The following RPS6KA6 variants were observed in gnomAD, a reference collection of about 807,000 sequenced individuals.
The protein encoded by RPS6KA6 is ribosomal protein S6 kinase alpha-6.
RPS6KA6 carries 27 observed loss-of-function variants against 65.4 expected under a neutral mutation model. The observed-to-expected ratio is 0.41, with a 90% confidence interval of 0.30 to 0.57. The LOEUF is 0.57. Ranked by LOEUF, RPS6KA6 falls within the 20% of genes least tolerant of loss-of-function variation. The pLI is 0.24. For synonymous variants in RPS6KA6, 190 were observed against 184.2 expected (o/e 1.03, Z -0.26); for missense variants, 486 against 555.6 (o/e 0.87, Z 1.26).
chrX:84,123,179 A>ACAAC (rs2034711938), intron 8 of RPS6KA6, among the ~76,000 whole-genome samples: 1 of 112,068 alleles, frequency 8.9e-6, no homozygotes, highest in Non-Finnish European at 1.9e-5. Context: ...TGGGCCATGA[A>ACAAC]CAACCACCAG....
chrX:84,143,600 T>C (rs948234768), intron 6 of RPS6KA6, among the ~76,000 whole-genome samples: 3 of 111,468 alleles, frequency 2.7e-5, no homozygotes, highest in Non-Finnish European at 5.7e-5. Context: ...ATTACTAAAA[T>C]GTAACTTATC....
rs184995428 is a variant in RPS6KA6 at position 84,083,553 on chromosome X, C to T, written c.1971+12641G>A. Among the ~76,000 whole-genome samples the T allele has an allele frequency of 7.4e-3, 836 of 112,332 alleles. 7 individuals carry two copies. Among genetic ancestry groups the T allele is most frequent in the Middle Eastern group, 0.056 (12 of 215 alleles). On this transcript the variant is annotated intron_variant, in intron 20 of 21. Coordinates refer to ENST00000262752, the MANE Select transcript of RPS6KA6 (RefSeq NM_014496.5). ...GCTATATCCATGTCCCTGCAAAGAA[C>T]ATCCTTTTCATGGCTGCATAGTATT...
intron 1 of RPS6KA6, among the ~76,000 whole-genome samples, chrX:84,184,876 G>T (rs1389952441): frequency 1.2e-5 from 1 of 81,910 alleles, no homozygotes; most frequent in Non-Finnish European, 2.5e-5. Flanking sequence ...AATAAAAACA[G>T]CATTGCTAAA....
intron 12 of RPS6KA6, among the ~76,000 whole-genome samples, chrX:84,112,678 G>T (rs1019583125): frequency 8.9e-6 from 1 of 111,755 alleles, no homozygotes; most frequent in Non-Finnish European, 1.9e-5. Context: ...AGTGCTAAGA[G>T]GAAAGTTTTT....
intron 12 of RPS6KA6, among the ~76,000 whole-genome samples, chrX:84,108,973 C>G (rs748199704): frequency 1.6e-4 from 18 of 112,111 alleles, no homozygotes; most frequent in Admixed American, 8.4e-4. Context: ...ATATACTGGC[C>G]ACAGCCTGGT....
At chrX:84,078,805 G>A (rs913959583) in intron 20 of RPS6KA6, among the ~76,000 whole-genome samples, 1 of 111,261 alleles carries the variant, frequency 9.0e-6, no homozygotes, top group Non-Finnish European at 1.9e-5. Flanking sequence ...ATATAGGGCA[G>A]GAGGGAGGGA....
At chrX:84,143,623 T>C (rs1404233114) in intron 6 of RPS6KA6, among the ~76,000 whole-genome samples, 2 of 111,557 alleles carry the variant, frequency 1.8e-5, no homozygotes, top group African/African-American at 6.5e-5. Flanking sequence ...CAAATTGACC[T>C]ATACATTCAA....
chrX:84,150,239 T>G (rs2035276251), intron 3 of RPS6KA6, among the ~76,000 whole-genome samples: 1 of 111,674 alleles, frequency 9.0e-6, no homozygotes, highest in Admixed American at 9.5e-5. Context: ...ATCTTCTATT[T>G]AGACCACTAA....
chrX:84,135,743 T>C (rs2034980843), intron 6 of RPS6KA6, among the ~76,000 whole-genome samples: 2 of 111,629 alleles, frequency 1.8e-5, no homozygotes, highest in Admixed American at 1.9e-4. Flanking sequence ...GTTAAATTAG[T>C]ACCCTTATCT....
intron 12 of RPS6KA6, among the ~76,000 whole-genome samples, chrX:84,115,786 A>T (rs141579095): frequency 0.049 from 5,482 of 111,684 alleles, 195 homozygotes; most frequent in East Asian, 0.2. Flanking sequence ...AGAAAGAATA[A>T]AATCATTATC....
rs1008113412 is a variant in RPS6KA6, at chrX:84,062,828, A to G, written c.*1449T>C. The G allele has an allele frequency of 1.1e-4, 12 of 111,292 alleles. No homozygotes were observed. The highest frequency in any genetic ancestry group is 5.7e-5 in the Non-Finnish European group (3 of 52,950). The allele number at this position is 111,292 out of a possible 1,213,427, so 9.2% of individuals were successfully genotyped here. A position where few individuals can be genotyped will look rare whatever the true frequency, so the allele number is the denominator to read the frequency against. Reference sequence around the variant, plus strand: ...AAGCAAAATAAAATACATAGCAAATAGTACACCTAACACGCACAAGTAGTT... The same window carrying G: ...AAGCAAAATAAAATACATAGCAAATGGTACACCTAACACGCACAAGTAGTT... On this transcript the variant is annotated 3_prime_UTR_variant, in exon 22 of 22. Transcript: ENST00000262752.
chrX:84,151,961 A>C (rs145099361), intron 3 of RPS6KA6, among the ~76,000 whole-genome samples: 2 of 111,301 alleles, frequency 1.8e-5, no homozygotes, highest in East Asian at 5.7e-4. Context: ...CGGAGACCAC[A>C]ATTTCAGAAC....
Position 84,062,145 on chromosome X carries a change from T to C in RPS6KA6, c.*2132A>G, listed in dbSNP as rs1569363098. On this transcript the variant is annotated 3_prime_UTR_variant, in exon 22 of 22. Transcript: ENST00000262752. ...CATGCTGTTCATTGCTTAATTCTTA[T>C]AGTGTTCCTTTTATGATAGGACTGT... 8.9e-6 allele frequency: 1 copy of C among 111,989 alleles called. No individual in the cohort carries two copies. The highest frequency in any genetic ancestry group is 1.9e-5 in the Non-Finnish European group (1 of 53,031). The allele number at this position is 111,989 out of a possible 1,213,427, so 9.2% of individuals were successfully genotyped here. A position where few individuals can be genotyped will look rare whatever the true frequency, so the allele number is the denominator to read the frequency against.
intron 20 of RPS6KA6, among the ~76,000 whole-genome samples, chrX:84,076,393 T>C (rs1200790388): frequency 8.9e-6 from 1 of 111,864 alleles, no homozygotes; most frequent in Non-Finnish European, 1.9e-5. Flanking sequence ...TGAACACAGA[T>C]GCAAAAATTG....
At chrX:84,159,383 G>C (rs2035474260) in intron 2 of RPS6KA6, among the ~76,000 whole-genome samples, 2 of 110,925 alleles carry the variant, frequency 1.8e-5, no homozygotes, top group African/African-American at 6.5e-5. Context: ...CAGCAATCTA[G>C]CCTGAAATAG....
chrX:84,145,613 G>A, intron 5 of RPS6KA6, 56 bp from the exon 6 acceptor site: 2 of 638,181 alleles, frequency 3.1e-6, no homozygotes, highest in Non-Finnish European at 4.7e-6. Context: ...AAAAAGCTTA[G>A]TATGCTTTTA....
chrX:84,160,953 C>A (rs2035501481), intron 2 of RPS6KA6, among the ~76,000 whole-genome samples: 1 of 110,766 alleles, frequency 9.0e-6, no homozygotes, highest in African/African-American at 3.3e-5. Flanking sequence ...CCAAAGAATG[C>A]CGGCAAACTA....
chrX:84,098,321 G>A (rs977391295), intron 18 of RPS6KA6, among the ~76,000 whole-genome samples: 11 of 111,054 alleles, frequency 9.9e-5, no homozygotes, highest in Non-Finnish European at 3.8e-5. Context: ...CACAAAAGCA[G>A]AATGAATTTA....
At chrX:84,089,803 G>T (rs749768824) in intron 20 of RPS6KA6, among the ~76,000 whole-genome samples, 1 of 111,481 alleles carries the variant, frequency 9.0e-6, no homozygotes, top group South Asian at 3.8e-4. Context: ...CCCAATACAC[G>T]AAACTGTATA....
Sources: allele counts gnomAD v4.1 joint callset (sites outside exome capture counted in the v4.1 genomes callset), GRCh38; gene constraint gnomAD v4.1.1; transcripts MANE v1.5; gene names NCBI Gene and HGNC (gene_info 2026-07-23, HGNC 2026-07-21).